PDE1C: variants seen among roughly 807,000 people sequenced by gnomAD.
PDE1C encodes the protein phosphodiesterase 1C, also known as dual specificity calcium/calmodulin-dependent 3',5'-cyclic nucleotide phosphodiesterase 1C.
A neutral mutation model predicts 93.1 loss-of-function variants in PDE1C; 62 were observed. That is an observed-to-expected ratio of 0.67 (90% CI 0.54 to 0.82). The LOEUF (loss-of-function observed/expected upper bound fraction) is 0.82, where lower values mean the gene tolerates loss of function less well. PDE1C is among the 40% of genes least tolerant of loss of function. The probability of loss-of-function intolerance (pLI) is 0.00; values close to 1 mark genes in which losing one functional copy is unlikely to be tolerated. For synonymous variants in PDE1C, 325 were observed against 310.1 expected, an observed-to-expected ratio of 1.05 and a Z score of -0.50; for missense variants, 742 against 884.6, an observed-to-expected ratio of 0.84 and a Z score of 2.04.
intron 3 of PDE1C, among the ~76,000 whole-genome samples, chr7:32,145,356 A>G: frequency 6.6e-6 from 1 of 152,196 alleles, no homozygotes; most frequent in East Asian, 1.9e-4. Flanking sequence ...CTTCAGGTTT[A>G]GCTGACACGT....
intron 12 of PDE1C, among the ~76,000 whole-genome samples, chr7:31,827,151 A>G (rs73092414): frequency 0.011 from 1,723 of 152,228 alleles, 8 homozygotes; most frequent in Non-Finnish European, 0.018. Flanking sequence ...CCCTCACTAC[A>G]TCCTACTCCG....
chr7:32,241,652 T>C (rs1321005053), intron 1 of PDE1C, among the ~76,000 whole-genome samples: 1 of 152,150 alleles, frequency 6.6e-6, no homozygotes, highest in Admixed American at 6.5e-5. Flanking sequence ...TTTTTAAAAA[T>C]GGAGGCCATT....
intron 1 of PDE1C, among the ~76,000 whole-genome samples, chr7:32,226,063 G>C (rs1206079034): frequency 6.7e-6 from 1 of 150,316 alleles, no homozygotes; most frequent in East Asian, 1.9e-4. Context: ...ATCTCAAAAA[G>C]AAAAAAAAAG....
chr7:32,171,726 T>C (rs1293909661), intron 2 of PDE1C, among the ~76,000 whole-genome samples: 2 of 151,182 alleles, frequency 1.3e-5, no homozygotes, highest in Non-Finnish European at 2.9e-5. Context: ...GCATAAATTA[T>C]ATGACAATAC....
At chr7:31,797,616 G>A (rs1785469866) in intron 16 of PDE1C, among the ~76,000 whole-genome samples, 1 of 151,692 alleles carries the variant, frequency 6.6e-6, no homozygotes, top group Admixed American at 6.6e-5. Context: ...AAAAGGATGG[G>A]GTAACAGCTT....
rs570800190 is a variant in PDE1C at position 31,880,219 on chromosome 7, G to A, written c.242+528C>T. Among the ~76,000 whole-genome samples the A allele has an allele frequency of 2.6e-5, 4 of 152,282 alleles. No homozygotes were observed. The East Asian group carries it at 7.7e-4, about 29-fold the overall frequency. Reference sequence around the variant, plus strand: ...GCAATTTTATAACTTTCAAACGTATGTAGTAACTGAAACCGCTTTAATACG... The same window carrying A: ...GCAATTTTATAACTTTCAAACGTATATAGTAACTGAAACCGCTTTAATACG... On this transcript the variant is annotated intron_variant, in intron 3 of 17. Transcript: ENST00000396191.
intron 1 of PDE1C, among the ~76,000 whole-genome samples, chr7:32,384,485 A>G (rs1784590158): frequency 6.6e-6 from 1 of 152,214 alleles, no homozygotes; most frequent in African/African-American, 2.4e-5. Flanking sequence ...TCCTTTAGAA[A>G]GAAATGTCTC....
chr7:31,869,051 A>G (rs1205969007), intron 6 of PDE1C, among the ~76,000 whole-genome samples: 3 of 152,122 alleles, frequency 2.0e-5, no homozygotes, highest in Admixed American at 6.5e-5. Context: ...AGGGAGTCTT[A>G]CGCCTGGAAA....
chr7:31,825,615 G>T (rs911391353), intron 12 of PDE1C, among the ~76,000 whole-genome samples: 3 of 152,228 alleles, frequency 2.0e-5, no homozygotes, highest in Admixed American at 6.5e-5. Flanking sequence ...AGTTAATCTG[G>T]CAAGATAGAT....
At chr7:32,153,045 T>C (rs1801357861) in intron 3 of PDE1C, among the ~76,000 whole-genome samples, 1 of 152,170 alleles carries the variant, frequency 6.6e-6, no homozygotes, top group African/African-American at 2.4e-5. Flanking sequence ...ACTAAGAAAC[T>C]GAGGCAATGT....
intron 3 of PDE1C, among the ~76,000 whole-genome samples, chr7:32,147,984 T>TTAAAAAAAAAAAAAAA (rs1801002001): frequency 1.3e-5 from 1 of 79,730 alleles, no homozygotes; most frequent in Non-Finnish European, 2.2e-5. Flanking sequence ...CCATTTATGC[T>TTAAAAAAAAAAAAAAA]AAAAAAAAAA....
chr7:31,751,033 A>G (rs1466051466), downstream of PDE1C: 2 of 152,216 alleles, frequency 1.3e-5, no homozygotes, highest in African/African-American at 4.8e-5. Flanking sequence ...AAAATGAACT[A>G]CCACCTAAAC....
At chr7:32,383,624 T>C (rs1346506164) in intron 1 of PDE1C, among the ~76,000 whole-genome samples, 2 of 151,736 alleles carry the variant, frequency 1.3e-5, no homozygotes, top group East Asian at 3.9e-4. Flanking sequence ...ATGCCTGATA[T>C]AATAATTATC....
chr7:32,324,205 C>A (rs1240839094), intron 1 of PDE1C, among the ~76,000 whole-genome samples: 1 of 152,158 alleles, frequency 6.6e-6, no homozygotes, highest in Non-Finnish European at 1.5e-5. Flanking sequence ...GGCTCTCATG[C>A]TATTATATGG....
At chr7:31,637,508 T>C in the PDE1C span, among the ~76,000 whole-genome samples, 144 of 152,368 alleles carry the variant, frequency 9.5e-4, 1 homozygote, top group African/African-American at 3.3e-3. Flanking sequence ...CATTTTTTCA[T>C]GTGTCTTTTG....
Position 32,123,688 on chromosome 7 carries a change from C to A in PDE1C, c.308+46097G>T, listed in dbSNP as rs1429607587. Among the ~76,000 whole-genome samples the A allele has an allele frequency of 3.3e-5, 5 of 152,128 alleles. No homozygotes were observed. In the East Asian group the frequency reaches 9.6e-4, roughly 29 times the overall value. On this transcript the variant is annotated intron_variant, in intron 3 of 18. Transcript: ENST00000396193. ...TGTTAAAAACTCTCAATAAACTAGG[C>A]ATTGATTGAACATATCTCAAAACAA...
chr7:31,818,321 A>G (rs1788519423), intron 14 of PDE1C, among the ~76,000 whole-genome samples: 1 of 152,178 alleles, frequency 6.6e-6, no homozygotes, highest in South Asian at 2.1e-4. Context: ...CATTCTCAGT[A>G]GGATGCAGGA....
In PDE1C at chr7:32,420,231, GTA is replaced by G. The variant is rs1204009759; in HGVS notation, c.310+7589_310+7590del. Among the ~76,000 whole-genome samples, 4 of 25,958 alleles carry G rather than the reference GTA, an allele frequency of 1.5e-4. 1 individual carries two copies. The highest frequency in any genetic ancestry group is 4.8e-4 in the African/African-American group (4 of 8,258). The allele number at this position is 25,958 out of a possible 152,430, so 17.0% of individuals were successfully genotyped here. A position where few individuals can be genotyped will look rare whatever the true frequency, so the allele number is the denominator to read the frequency against. ...TATATATGTATATATACATATATAT[GTA>G]TATATATGTGTATATATATACATGT... On this transcript the variant is annotated intron_variant, in intron 1 of 1. Coordinates refer to the PDE1C transcript ENST00000672256.
At chr7:31,655,911 G>A in the PDE1C span, 1 of 985,442 alleles carries the variant, frequency 1.0e-6, no homozygotes. Context: ...TCACCTGGCA[G>A]CCATCTGCTT....
Sources: gnomAD v4.1 joint callset for allele counts (sites outside exome capture counted in the v4.1 genomes callset) on GRCh38, gnomAD v4.1.1 for gene constraint, MANE v1.5 for transcripts, NCBI Gene and HGNC (gene_info 2026-07-23, HGNC 2026-07-21) for gene names.